The following YTHDC2 variants were observed in gnomAD, a reference collection of about 807,000 sequenced individuals.
YTHDC2 encodes 3'-5' RNA helicase YTHDC2.
A neutral mutation model predicts 174.9 loss-of-function variants in YTHDC2; 45 were observed. The observed-to-expected ratio is 0.26, with a 90% confidence interval of 0.20 to 0.33. YTHDC2 has a LOEUF of 0.33. Ranked by LOEUF, YTHDC2 falls within the 10% of genes least tolerant of loss-of-function variation. The pLI, the probability that YTHDC2 is intolerant of heterozygous loss-of-function variation, is 1.00. For synonymous variants in YTHDC2, 657 were observed against 574.5 expected, an observed-to-expected ratio of 1.14 and a Z score of -2.05; for missense variants, 1,650 against 1,723.7, an observed-to-expected ratio of 0.96 and a Z score of 0.76.
Position 113,593,540 on chromosome 5 carries a change from C to G in YTHDC2, c.*66C>G, listed in dbSNP as rs1367134273. On this transcript the variant is annotated 3_prime_UTR_variant, in exon 30 of 30. Coordinates refer to ENST00000161863, the MANE Select transcript of YTHDC2 (RefSeq NM_022828.5). Reference sequence around the variant, plus strand: ...TATAACCACTGAATGCACTGACTTTCAAAAACTGAGGTGGGGTGTGTGTTA... The same window carrying G: ...TATAACCACTGAATGCACTGACTTTGAAAAACTGAGGTGGGGTGTGTGTTA... 8 of 583,790 alleles carry G rather than the reference C, an allele frequency of 1.4e-5. No homozygotes were observed. The highest frequency in any genetic ancestry group is 3.1e-5 in the Admixed American group (1 of 32,006). The allele number at this position is 583,790 out of a possible 1,614,324, so 36.2% of individuals were successfully genotyped here. A position where few individuals can be genotyped will look rare whatever the true frequency, so the allele number is the denominator to read the frequency against.
intron 7 of YTHDC2, among the ~76,000 whole-genome samples, chr5:113,536,308 G>A (rs1313309303): frequency 6.6e-6 from 1 of 152,182 alleles, no homozygotes; most frequent in Admixed American, 6.5e-5. Context: ...GGTGGATCAC[G>A]AGTTCAGGAG....
intron 12 of YTHDC2, 152 bp downstream of exon 12, chr5:113,549,172 C>A: frequency 1.6e-6 from 1 of 613,294 alleles, no homozygotes; most frequent in South Asian, 2.5e-5. Flanking sequence ...GTCTGATCTA[C>A]CATGGTATAA....
chr5:113,576,821 TATTC>T (rs199900204), intron 23 of YTHDC2, among the ~76,000 whole-genome samples: 4,760 of 136,628 alleles, frequency 0.035, 95 homozygotes, highest in African/African-American at 0.072. Flanking sequence ...GTCAATCTAT[TATTC>T]ATTTTGGTGT....
At chr5:113,549,653 C>A (rs764658115) in intron 12 of YTHDC2, among the ~76,000 whole-genome samples, 30 of 152,050 alleles carry the variant, frequency 2.0e-4, no homozygotes, top group Non-Finnish European at 3.4e-4. Flanking sequence ...CTTCATGAGG[C>A]CTACCCAAAT....
intron 6 of YTHDC2, among the ~76,000 whole-genome samples, chr5:113,535,071 T>C (rs951464698): frequency 6.6e-6 from 1 of 152,176 alleles, no homozygotes; most frequent in African/African-American, 2.4e-5. Flanking sequence ...TTACTTATAA[T>C]TTTTTGTAGT....
At chr5:113,559,201 A>C (rs1776802723) in intron 17 of YTHDC2, among the ~76,000 whole-genome samples, 1 of 151,906 alleles carries the variant, frequency 6.6e-6, no homozygotes, top group Non-Finnish European at 1.5e-5. Context: ...GGGAAGTATA[A>C]GGGGTCTTCA....
chr5:113,567,423 T>C, intron 22 of YTHDC2, 126 bp downstream of exon 22: 1 of 380,278 alleles, frequency 2.6e-6, no homozygotes. Flanking sequence ...TATATATATA[T>C]ATATCATTAA....
At chr5:113,580,220 G>T (rs767543066) in intron 24 of YTHDC2, among the ~76,000 whole-genome samples, 1 of 152,046 alleles carries the variant, frequency 6.6e-6, no homozygotes, top group African/African-American at 2.4e-5. Flanking sequence ...CTATTGCATT[G>T]GAGGTTAAGT....
At chr5:113,537,321 C>A (rs1231614983) in intron 7 of YTHDC2, among the ~76,000 whole-genome samples, 1 of 148,032 alleles carries the variant, frequency 6.8e-6, no homozygotes, top group Non-Finnish European at 1.5e-5. Context: ...AAAAATCTTA[C>A]TTAACTTTTC....
chr5:113,569,248 T>G (rs1777560130), intron 23 of YTHDC2, among the ~76,000 whole-genome samples: 1 of 152,248 alleles, frequency 6.6e-6, no homozygotes, highest in African/African-American at 2.4e-5. Flanking sequence ...ATTAGACCTT[T>G]GTCAGATGGA....
intron 20 of YTHDC2, among the ~76,000 whole-genome samples, chr5:113,564,430 A>C (rs918675225): frequency 6.6e-6 from 1 of 152,142 alleles, no homozygotes; most frequent in Non-Finnish European, 1.5e-5. Context: ...TTGGGCAAGG[A>C]ATGTTCTAAA....
In YTHDC2 at chr5:113,578,879, ATAAT is replaced by A. The variant is rs1034106107; in HGVS notation, c.3245-701_3245-698del. 3.9e-5 allele frequency among the ~76,000 whole-genome samples: 6 copies of A among 152,160 alleles called. No individual in the cohort carries two copies. In the East Asian group the frequency reaches 7.7e-4, roughly 19 times the overall value. ...AGTTTTAGTAATTTTCGTGTAGAAA[ATAAT>A]TAATTTCTTTGAAGATTTCAAATTT... On this transcript the variant is annotated intron_variant, in intron 23 of 29. Coordinates refer to ENST00000161863, the MANE Select transcript of YTHDC2 (RefSeq NM_022828.5).
In YTHDC2 at chr5:113,513,716, C is replaced by G; in HGVS notation, c.-180C>G. The G allele has an allele frequency of 1.5e-6, 1 of 670,744 alleles. No homozygotes were observed. 41.5% of individuals were successfully genotyped at this position (670,744 alleles called of 1,614,324 possible). On this transcript the variant is annotated 5_prime_UTR_variant, in exon 1 of 30. The change creates a new upstream start codon in the 5' untranslated region. Transcript: ENST00000161863. ...CGCGCTCCTCGCCTGGCCGTGATAT[C>G]AATGGCGCAGGCTTCACTTCTGCTG... is the stretch of plus-strand genomic sequence containing the variant.
chr5:113,514,036 C>T lies in YTHDC2; in HGVS notation c.141C>T (p.Ile47=), dbSNP rs1164887836. The stretch of plus-strand genomic sequence containing the variant: ...TTCGCATTGATGAGGAGGTGAAGAT[C>T]GCAGTCAATATCGCGCTGGAGCGCT... ...KDIRIDEEVK[I]AVNIALERFR... The change falls in exon 1 of 30, where the codon ATC becomes ATT. Residue 47 remains isoleucine, a synonymous_variant. Coordinates refer to ENST00000161863, the MANE Select transcript of YTHDC2 (RefSeq NM_022828.5). 15 of 1,612,008 alleles carry T rather than the reference C, an allele frequency of 9.3e-6. No individual in the cohort carries two copies. Among genetic ancestry groups the T allele is most frequent in the South Asian group, 2.2e-5 (2 of 90,642 alleles).
At chr5:113,562,487 G>C (rs924636844) in intron 18 of YTHDC2, among the ~76,000 whole-genome samples, 2 of 151,970 alleles carry the variant, frequency 1.3e-5, no homozygotes, top group Non-Finnish European at 2.9e-5. Flanking sequence ...GTGATTTTCT[G>C]TTCCTCCTGG....
chr5:113,580,573 G>A (rs866562025), intron 24 of YTHDC2, among the ~76,000 whole-genome samples: 1 of 152,064 alleles, frequency 6.6e-6, no homozygotes, highest in African/African-American at 2.4e-5. Flanking sequence ...TACTATTTTA[G>A]CATCCATTCA....
intron 16 of YTHDC2, among the ~76,000 whole-genome samples, chr5:113,554,712 G>A (rs1462019395): frequency 6.7e-6 from 1 of 150,282 alleles, no homozygotes; most frequent in Non-Finnish European, 1.5e-5. Flanking sequence ...CTATTTGAAA[G>A]TCCTTTTCAA....
chr5:113,518,255 A>G (rs545482930), intron 2 of YTHDC2, among the ~76,000 whole-genome samples: 40 of 150,040 alleles, frequency 2.7e-4, no homozygotes, highest in East Asian at 1.2e-3. Context: ...GTGCAGTGGA[A>G]TGATGACGGC....
chr5:113,558,672 G>A (rs975827965), intron 17 of YTHDC2, among the ~76,000 whole-genome samples: 6 of 151,860 alleles, frequency 4.0e-5, no homozygotes, highest in Admixed American at 6.6e-5. Context: ...GTAGAAAATC[G>A]AAGTGGATTG....
Sources: gnomAD v4.1 joint callset for allele counts (sites outside exome capture counted in the v4.1 genomes callset) on GRCh38, gnomAD v4.1.1 for gene constraint, MANE v1.5 for transcripts, NCBI Gene and HGNC (gene_info 2026-07-23, HGNC 2026-07-21) for gene names.